The following CUL2 variants were observed in gnomAD, a reference collection of about 807,000 sequenced individuals.
CUL2 encodes the protein cullin-2.
A neutral mutation model predicts 110.2 loss-of-function variants in CUL2; 22 were observed. The ratio of observed to expected loss-of-function variants is 0.20; its 90% CI spans 0.14 to 0.28. The LOEUF is 0.28. Among genes scored for constraint, CUL2 ranks in the 10% least tolerant of loss-of-function variants. The pLI is 1.00. For missense variants in CUL2, 631 were observed against 905.5 expected (o/e 0.70, Z 3.89); for synonymous variants, 279 against 293.2 (o/e 0.95, Z 0.49).
At position 35,033,741 on chromosome 10, in the gene CUL2, AAAC is replaced by A. The variant is rs199816897; in HGVS notation, c.1003-471_1003-469del. 2.6e-4 allele frequency among the ~76,000 whole-genome samples: 28 copies of A among 106,190 alleles called. 4 individuals carry two copies. Among genetic ancestry groups the A allele is most frequent in the Non-Finnish European group, 3.1e-4 (16 of 51,638 alleles). The allele number at this position is 106,190 out of a possible 152,430, so 69.7% of individuals were successfully genotyped here. A position where few individuals can be genotyped will look rare whatever the true frequency, so the allele number is the denominator to read the frequency against. ...GACAGAGTGAGACTCCGTCTCAGAA[AAAC>A]AACAACAACAACAAAAAAAAAAAAA... is the stretch of plus-strand genomic sequence containing the variant. On this transcript the variant is annotated intron_variant, in intron 10 of 20. Coordinates refer to ENST00000374749, the MANE Select transcript of CUL2 (RefSeq NM_003591.4).
chr10:35,028,922 T>G (rs1386204527), intron 15 of CUL2, 35 bp from the exon 16 acceptor site: 1 of 1,223,778 alleles, frequency 8.2e-7, no homozygotes. Context: ...ATAAGCTAAA[T>G]GGATCAACAT....
chr10:35,104,239 G>A (rs2087425234), intron 1 of CUL2, among the ~76,000 whole-genome samples: 1 of 152,204 alleles, frequency 6.6e-6, no homozygotes, highest in Non-Finnish European at 1.5e-5. Context: ...TTGAGCTCAG[G>A]AGTTGGAGAC....
At chr10:35,104,584 T>C (rs1297054312) in intron 1 of CUL2, among the ~76,000 whole-genome samples, 2 of 152,166 alleles carry the variant, frequency 1.3e-5, no homozygotes, top group African/African-American at 2.4e-5. Flanking sequence ...TTTAGTTGTG[T>C]TAAGCATAGG....
At position 35,038,925 on chromosome 10, in the gene CUL2, T is replaced by G. The variant is rs373500651; in HGVS notation, c.872A>C (p.Lys291Thr). Residue 291 changes from lysine to threonine, a missense_variant, in exon 9 of 21, where the codon AAA (lysine) becomes ACA (threonine). By Grantham distance (78) the Lys-to-Thr change is moderately conservative. Coordinates refer to ENST00000374749, the MANE Select transcript of CUL2 (RefSeq NM_003591.4). ...TCATGTTTGGTGTCACTTACCATTT[T>G]TTTTCTCTTGTCGAATTATATTATG... Reference protein sequence around the residue: ...ECHNIIRQEKKNDMANMYVLL... With the variant: ...ECHNIIRQEKTNDMANMYVLL... 1 of 1,584,860 alleles carries G rather than the reference T, an allele frequency of 6.3e-7. No homozygotes were observed. Among genetic ancestry groups the G allele is most frequent in the Non-Finnish European group, 8.6e-7 (1 of 1,165,466 alleles).
At chr10:35,099,789 G>A (rs1222419650) in intron 2 of CUL2, among the ~76,000 whole-genome samples, 4 of 152,026 alleles carry the variant, frequency 2.6e-5, no homozygotes, top group Non-Finnish European at 5.9e-5. Context: ...GATATGGATG[G>A]CAAGGTTAAG....
intron 1 of CUL2, among the ~76,000 whole-genome samples, chr10:35,077,757 C>T (rs1480027430): frequency 1.3e-5 from 2 of 148,294 alleles, no homozygotes; most frequent in African/African-American, 2.5e-5. Context: ...GCGGGGGTTG[C>T]GGTGAGTCGA....
At chr10:35,086,795 T>C (rs2135065189) in intron 1 of CUL2, among the ~76,000 whole-genome samples, 1 of 152,226 alleles carries the variant, frequency 6.6e-6, no homozygotes. Context: ...TACTCCACAG[T>C]TTTATCCTCT....
chr10:35,071,923 T>C (rs1238435899), intron 1 of CUL2, among the ~76,000 whole-genome samples: 1 of 152,192 alleles, frequency 6.6e-6, no homozygotes. Flanking sequence ...CAAAGATTTA[T>C]AGTCCTCATT....
chr10:35,054,465 T>G lies in CUL2; in HGVS notation c.392A>C (p.Asp131Ala). The change falls in exon 5 of 21, where the codon GAT becomes GCT. Residue 131 changes from aspartate to alanine, a missense_variant. Coordinates refer to ENST00000374749, the MANE Select transcript of CUL2 (RefSeq NM_003591.4). Reference sequence around the variant, plus strand: ...TATTTCCATAAGTGGTTCATTCATATCTACACCACCATAGCCATACTGAAG... The same window carrying G: ...TATTTCCATAAGTGGTTCATTCATAGCTACACCACCATAGCCATACTGAAG... The part of the protein sequence containing the change: ...ADLQYGYGGV[D>A]MNEPLMEIGE... 2 of 1,593,248 alleles carry G rather than the reference T, an allele frequency of 1.3e-6. No individual in the cohort carries two copies. The highest frequency in any genetic ancestry group is 1.7e-6 in the Non-Finnish European group (2 of 1,170,516).
intron 1 of CUL2, among the ~76,000 whole-genome samples, chr10:35,083,154 CAAA>C (rs35028347): frequency 5.3e-4 from 59 of 111,040 alleles, no homozygotes; most frequent in Admixed American, 7.8e-4. Context: ...GACTCCATCT[CAAA>C]AAAAAAAAAA....
At chr10:35,082,669 A>G (rs754541279) in intron 1 of CUL2, among the ~76,000 whole-genome samples, 22 of 152,226 alleles carry the variant, frequency 1.4e-4, no homozygotes, top group Non-Finnish European at 2.8e-4. Flanking sequence ...AAAATTTTTA[A>G]ATGGATGCAT....
intron 6 of CUL2, among the ~76,000 whole-genome samples, chr10:35,047,602 T>G (rs2085977437): frequency 7.7e-6 from 1 of 130,456 alleles, no homozygotes; most frequent in South Asian, 2.5e-4. Context: ...AGAGCAAGAC[T>G]GTCTCAAAAA....
At chr10:35,039,191 C>G in intron 8 of CUL2, 109 bp from the exon 9 acceptor site, 1 of 601,064 alleles carries the variant, frequency 1.7e-6, no homozygotes, top group Non-Finnish European at 2.7e-6. Context: ...TTAAACATGG[C>G]AAAGGTAATA....
chr10:35,122,941 C>T (rs951370224), intron 1 of CUL2, among the ~76,000 whole-genome samples: 13 of 152,070 alleles, frequency 8.5e-5, no homozygotes, highest in African/African-American at 2.9e-4. Flanking sequence ...TGTGCCTGGC[C>T]AATATCCCCA....
At chr10:35,107,165 G>A (rs904219377) in intron 1 of CUL2, among the ~76,000 whole-genome samples, 3 of 150,954 alleles carry the variant, frequency 2.0e-5, no homozygotes, top group Non-Finnish European at 4.4e-5. Flanking sequence ...CAGTAGAGAC[G>A]GGGTTTCACT....
At chr10:35,052,464 A>G (rs754073291) in intron 5 of CUL2, among the ~76,000 whole-genome samples, 12 of 152,204 alleles carry the variant, frequency 7.9e-5, no homozygotes, top group Non-Finnish European at 1.5e-4. Flanking sequence ...ACACATAAAT[A>G]TAACTCCATG....
At chr10:35,114,170 C>G (rs2087560339) in intron 1 of CUL2, among the ~76,000 whole-genome samples, 1 of 151,822 alleles carries the variant, frequency 6.6e-6, no homozygotes, top group Admixed American at 6.6e-5. Flanking sequence ...GATCCGCCTG[C>G]CTCGGCCTCC....
At position 35,029,527 on chromosome 10, in the gene CUL2, T is replaced by A; in HGVS notation, c.1500A>T (p.Val500=). 6.3e-7 allele frequency: 1 copy of A among 1,580,554 alleles called. No individual in the cohort carries two copies. Among genetic ancestry groups the A allele is most frequent in the Non-Finnish European group, 8.6e-7 (1 of 1,165,464 alleles). The part of the protein sequence containing the change: ...FNNFIKNQDT[V]IDLGISFQIY... ...TTTGAAAACTAATTCCCAAATCTAT[T>A]ACTGTGTCTTGGTTTTTGATAAAAT... Residue 500 remains valine, a synonymous_variant, in exon 15 of 21, where the codon GTA becomes GTT. Coordinates refer to ENST00000374749, the MANE Select transcript of CUL2 (RefSeq NM_003591.4).
At chr10:35,026,620 G>A (rs2085340855) in intron 16 of CUL2, among the ~76,000 whole-genome samples, 3 of 152,064 alleles carry the variant, frequency 2.0e-5, no homozygotes, top group Admixed American at 2.0e-4. Flanking sequence ...GCCAAAAGAA[G>A]ATACTGATTC....
Sources: allele counts gnomAD v4.1 joint callset (sites outside exome capture counted in the v4.1 genomes callset), GRCh38; gene constraint gnomAD v4.1.1; transcripts MANE v1.5; gene names NCBI Gene and HGNC (gene_info 2026-07-23, HGNC 2026-07-21).